Variants in CATSPERE observed in about 807,000 individuals in gnomAD.
CATSPERE encodes the protein cation channel sperm-associated auxiliary subunit epsilon.
CATSPERE carries 93 observed loss-of-function variants against 114.1 expected under a neutral mutation model. That is an observed-to-expected ratio of 0.81 (90% confidence interval 0.69 to 0.97). CATSPERE has a LOEUF of 0.97. Ranked by LOEUF, CATSPERE falls within the 50% of genes least tolerant of loss-of-function variation. The pLI, the probability that CATSPERE is intolerant of heterozygous loss-of-function variation, is 0.00. For synonymous variants in CATSPERE, 341 were observed against 384.1 expected (o/e 0.89, Z 1.31); for missense variants, 1,058 against 1,131.6 (o/e 0.93, Z 0.93).
intron 17 of CATSPERE, among the ~76,000 whole-genome samples, chr1:244,597,534 C>CTTTTTTTTTT (rs34454607): frequency 1.6e-5 from 2 of 128,182 alleles, no homozygotes; most frequent in African/African-American, 3.0e-5. Context: ...TCCCTGATTT[C>CTTTTTTTTTT]TTTTTTTTTT....
intron 5 of CATSPERE, among the ~76,000 whole-genome samples, chr1:244,489,803 C>A (rs1329525505): frequency 6.6e-6 from 1 of 151,702 alleles, no homozygotes; most frequent in Non-Finnish European, 1.5e-5. Context: ...TAAGATTAGC[C>A]TTTGGAATTC....
chr1:244,554,072 T>C (rs1314768889), intron 9 of CATSPERE, among the ~76,000 whole-genome samples: 10 of 152,210 alleles, frequency 6.6e-5, no homozygotes, highest in Admixed American at 3.9e-4. Flanking sequence ...CACTCATCCA[T>C]TGATGTACAC....
At chr1:244,528,281 CT>C (rs1334213540) in intron 8 of CATSPERE, among the ~76,000 whole-genome samples, 3 of 152,122 alleles carry the variant, frequency 2.0e-5, no homozygotes, top group African/African-American at 4.8e-5. Context: ...ATCCATACCC[CT>C]GGTGTAAACA....
chr1:244,518,375 G>C (rs551882455), intron 7 of CATSPERE, among the ~76,000 whole-genome samples: 1 of 152,258 alleles, frequency 6.6e-6, no homozygotes, highest in East Asian at 1.9e-4. Flanking sequence ...AGTTTTTGAC[G>C]AGTTGGAAAC....
intron 20 of CATSPERE, among the ~76,000 whole-genome samples, chr1:244,618,340 A>G (rs1671658035): frequency 6.6e-6 from 1 of 152,210 alleles, no homozygotes; most frequent in African/African-American, 2.4e-5. Context: ...AAACAAAGGA[A>G]GGAGACAAAC....
chr1:244,523,196 A>C (rs957264924), intron 8 of CATSPERE, among the ~76,000 whole-genome samples: 6 of 149,690 alleles, frequency 4.0e-5, no homozygotes, highest in Non-Finnish European at 7.4e-5. Context: ...GCAAATCAAT[A>C]AATGTAATCC....
chr1:244,569,820 G>A (rs901746243), intron 10 of CATSPERE, among the ~76,000 whole-genome samples: 2 of 152,040 alleles, frequency 1.3e-5, no homozygotes, highest in African/African-American at 4.8e-5. Context: ...CACATTAACC[G>A]GATTGTTTCT....
intron 8 of CATSPERE, among the ~76,000 whole-genome samples, chr1:244,536,268 G>A (rs577596455): frequency 6.6e-6 from 1 of 152,112 alleles, no homozygotes; most frequent in South Asian, 2.1e-4. Flanking sequence ...CCAGGGTAGT[G>A]TCTCACTAGG....
Position 244,560,862 on chromosome 1 carries a change from T to C in CATSPERE, c.1224T>C (p.Asn408=). 1 of 1,614,112 alleles carries C rather than the reference T, an allele frequency of 6.2e-7. No homozygotes were observed. Among genetic ancestry groups the C allele is most frequent in the Non-Finnish European group, 8.5e-7 (1 of 1,179,992 alleles). Residue 408 remains asparagine (N), a synonymous_variant, in exon 10 of 22, where the codon AAT becomes AAC. Transcript: ENST00000366534. ...GHPLEIAVFL[N]YCTVCNVTKK... ...CTCTGGAGATTGCTGTGTTTTTAAA[T>C]TATTGCACTGTATGTAACGTCACCA...
In CATSPERE at chr1:244,524,745, C is replaced by T. The variant is rs374419670; in HGVS notation, c.536+6047C>T. Among the ~76,000 whole-genome samples, 5 of 148,578 alleles carry T rather than the reference C, an allele frequency of 3.4e-5. No individual in the cohort carries two copies. In the South Asian group the frequency reaches 8.4e-4, roughly 25 times the overall value. On this transcript the variant is annotated intron_variant, in intron 8 of 21. Transcript: ENST00000366534. Reference sequence around the variant, plus strand: ...CAAAAACCACATGAAAAAATGCTCACCATCACTGGCCATCAGAGAAATGCA... The same window carrying T: ...CAAAAACCACATGAAAAAATGCTCATCATCACTGGCCATCAGAGAAATGCA...
chr1:244,591,353 G>C (rs906755060), intron 14 of CATSPERE, among the ~76,000 whole-genome samples: 4 of 152,012 alleles, frequency 2.6e-5, no homozygotes, highest in Admixed American at 6.6e-5. Context: ...TAGACCTCTG[G>C]AACTTACTCC....
chr1:244,569,168 T>C (rs894929499), intron 10 of CATSPERE, among the ~76,000 whole-genome samples: 1 of 152,162 alleles, frequency 6.6e-6, no homozygotes, highest in African/African-American at 2.4e-5. Flanking sequence ...CAGTCCCTCG[T>C]GGCTTCCCTT....
intron 14 of CATSPERE, among the ~76,000 whole-genome samples, chr1:244,590,475 G>A (rs10927273): frequency 6.6e-6 from 1 of 151,976 alleles, no homozygotes; most frequent in Admixed American, 6.6e-5. Flanking sequence ...CTAAAGTATA[G>A]AATTCAATGG....
chr1:244,472,971 G>A (rs1209243915), intron 2 of CATSPERE, among the ~76,000 whole-genome samples: 1 of 152,020 alleles, frequency 6.6e-6, no homozygotes, highest in Non-Finnish European at 1.5e-5. Context: ...TTTCATTTTA[G>A]CACTGAGTAA....
intron 6 of CATSPERE, among the ~76,000 whole-genome samples, chr1:244,497,594 C>T (rs189722558): frequency 7.9e-5 from 12 of 151,990 alleles, no homozygotes; most frequent in African/African-American, 2.9e-4. Context: ...GTCAGGAGTT[C>T]GAGACCAGCC....
intron 8 of CATSPERE, among the ~76,000 whole-genome samples, chr1:244,545,043 G>C (rs1241479822): frequency 1.3e-5 from 2 of 152,134 alleles, no homozygotes; most frequent in Admixed American, 1.3e-4. Context: ...CCTTTCATAA[G>C]ATATCACACT....
chr1:244,528,663 A>G (rs1359171403), intron 8 of CATSPERE, among the ~76,000 whole-genome samples: 2 of 152,024 alleles, frequency 1.3e-5, no homozygotes, highest in Non-Finnish European at 2.9e-5. Context: ...TCTTTTAGTT[A>G]TTTTTAAACA....
At chr1:244,533,373 G>A (rs1434249886) in intron 8 of CATSPERE, among the ~76,000 whole-genome samples, 1 of 152,076 alleles carries the variant, frequency 6.6e-6, no homozygotes, top group East Asian at 1.9e-4. Context: ...TTATTGATAA[G>A]TAAGGATGTA....
At chr1:244,595,903 A>G (rs6429494) in intron 17 of CATSPERE, among the ~76,000 whole-genome samples, 25,279 of 152,018 alleles carry the variant, frequency 0.17, 2,840 homozygotes, top group East Asian at 0.39. Flanking sequence ...ACTGCACTCT[A>G]GCCTGGGCGA....
Sources: allele counts gnomAD v4.1 joint callset (sites outside exome capture counted in the v4.1 genomes callset), GRCh38; gene constraint gnomAD v4.1.1; transcripts MANE v1.5; gene names NCBI Gene and HGNC (gene_info 2026-07-23, HGNC 2026-07-21).